The following SPECC1L variants were observed in gnomAD, a reference collection of about 807,000 sequenced individuals.
The protein encoded by SPECC1L is cytospin-A.
Under a neutral mutation model 116.8 loss-of-function variants are expected in SPECC1L, and 40 were observed. The ratio of observed to expected loss-of-function variants is 0.34; its 90% CI spans 0.27 to 0.45. The LOEUF (loss-of-function observed/expected upper bound fraction) is 0.45, where lower values mean the gene tolerates loss of function less well. SPECC1L is among the 20% of genes least tolerant of loss of function. SPECC1L has a pLI of 1.00. For missense variants in SPECC1L, 1,110 were observed against 1,373.6 expected, an observed-to-expected ratio of 0.81 and a Z score of 3.03; for synonymous variants, 504 against 500.6, an observed-to-expected ratio of 1.01 and a Z score of -0.09.
intron 16 of SPECC1L, 62 bp downstream of exon 16, chr22:24,412,769 C>A (rs1249946472): frequency 1.3e-6 from 2 of 1,565,762 alleles, no homozygotes; most frequent in Non-Finnish European, 1.8e-6. Flanking sequence ...AGAGTTCAGT[C>A]CTGTTTAAGC....
chr22:24,305,979 T>C (rs1352421776), intron 3 of SPECC1L, among the ~76,000 whole-genome samples: 3 of 151,912 alleles, frequency 2.0e-5, no homozygotes, highest in Non-Finnish European at 4.4e-5. Context: ...TGGAGTGCAA[T>C]GGCGCCATCT....
rs2049410884 is a variant in SPECC1L, at chr22:24,302,940, G to A, written c.153+556G>A. ...CTGGCAGCTGGTCCACGATGATGAT[G>A]ATGATGATGATTATACCATTTTTTA... On this transcript the variant is annotated intron_variant, in intron 3 of 16. Transcript: ENST00000314328. Among the ~76,000 whole-genome samples, 9 of 152,202 alleles carry A rather than the reference G, an allele frequency of 5.9e-5. No homozygotes were observed. In the South Asian group the frequency reaches 1.7e-3, roughly 28 times the overall value.
chr22:24,288,615 C>CTTTTTTTTTTTTTTTTTTTTTTTTT (rs756714389), intron 2 of SPECC1L, among the ~76,000 whole-genome samples: 1 of 61,678 alleles, frequency 1.6e-5, no homozygotes, highest in South Asian at 6.6e-4. Flanking sequence ...AAATTTTAAG[C>CTTTTTTTTTTTTTTTTTTTTTTTTT]TTTTTTTTTT....
At chr22:24,309,183 A>G (rs1469273189) in intron 3 of SPECC1L, among the ~76,000 whole-genome samples, 3 of 152,156 alleles carry the variant, frequency 2.0e-5, no homozygotes, top group East Asian at 3.8e-4. Flanking sequence ...CTGTATCTGT[A>G]TCTATTAAAA....
chr22:24,302,061 T>G, intron 2 of SPECC1L, 134 bp from the exon 3 acceptor site: 1 of 616,168 alleles, frequency 1.6e-6, no homozygotes, highest in Non-Finnish European at 2.8e-6. Context: ...AAAAAAAAAA[T>G]TTTTTTTCAA....
intron 13 of SPECC1L, among the ~76,000 whole-genome samples, chr22:24,368,177 A>G (rs760190782): frequency 2.0e-5 from 3 of 152,204 alleles, no homozygotes; most frequent in Non-Finnish European, 4.4e-5. Flanking sequence ...ATTTTTAAAA[A>G]ATGAATCATA....
intron 14 of SPECC1L, among the ~76,000 whole-genome samples, chr22:24,403,187 T>G (rs1440473062): frequency 6.6e-6 from 1 of 152,216 alleles, no homozygotes; most frequent in Non-Finnish European, 1.5e-5. Context: ...GGGCAGAGCT[T>G]CTCATTCGAG....
chr22:24,349,497 G>A (rs759362014), intron 11 of SPECC1L, among the ~76,000 whole-genome samples: 3 of 152,098 alleles, frequency 2.0e-5, no homozygotes, highest in East Asian at 3.9e-4. Flanking sequence ...TGCATCTCTC[G>A]CCTGTTCTTC....
chr22:24,391,200 G>A (rs1246292352), intron 14 of SPECC1L, among the ~76,000 whole-genome samples: 2 of 152,078 alleles, frequency 1.3e-5, no homozygotes, highest in South Asian at 2.1e-4. Flanking sequence ...ACTGCACACA[G>A]CAGAGGTTAA....
At chr22:24,302,458 A>G in intron 3 of SPECC1L, 74 bp downstream of exon 3, 2 of 1,581,834 alleles carry the variant, frequency 1.3e-6, no homozygotes, top group Non-Finnish European at 1.7e-6. Context: ...AATATATTAA[A>G]TGAGCATTCT....
intron 11 of SPECC1L, among the ~76,000 whole-genome samples, chr22:24,347,846 T>C (rs570569699): frequency 7.8e-4 from 118 of 152,242 alleles, no homozygotes; most frequent in Middle Eastern, 3.4e-3. Context: ...CAGATAATTT[T>C]TGTATTTTTA....
At chr22:24,339,727 G>A (rs1249870244) in intron 10 of SPECC1L, among the ~76,000 whole-genome samples, 6 of 152,064 alleles carry the variant, frequency 3.9e-5, no homozygotes, top group African/African-American at 1.2e-4. Context: ...TGCTCCCTCC[G>A]CATTTATATT....
At chr22:24,342,130 G>A (rs1423949476) in intron 10 of SPECC1L, among the ~76,000 whole-genome samples, 1 of 152,164 alleles carries the variant, frequency 6.6e-6, no homozygotes, top group Non-Finnish European at 1.5e-5. Flanking sequence ...ATTTGCCAAA[G>A]TAATAATTTT....
At chr22:24,294,440 G>A (rs921401246) in intron 2 of SPECC1L, among the ~76,000 whole-genome samples, 2 of 149,926 alleles carry the variant, frequency 1.3e-5, no homozygotes, top group Non-Finnish European at 2.9e-5. Context: ...GGAGTGCAGC[G>A]GCACGATATC....
intron 14 of SPECC1L, among the ~76,000 whole-genome samples, chr22:24,407,519 C>T (rs1056857049): frequency 1.3e-5 from 2 of 152,172 alleles, no homozygotes; most frequent in African/African-American, 4.8e-5. Context: ...GAGCTGCCTG[C>T]GTTTCAGGGA....
intron 2 of SPECC1L, among the ~76,000 whole-genome samples, chr22:24,298,179 G>T (rs1297814987): frequency 6.6e-6 from 1 of 152,078 alleles, no homozygotes; most frequent in Non-Finnish European, 1.5e-5. Flanking sequence ...CATGTTAGAT[G>T]ATTTTTGTCC....
At chr22:24,361,822 CA>C (rs897951876) in intron 11 of SPECC1L, among the ~76,000 whole-genome samples, 2 of 137,298 alleles carry the variant, frequency 1.5e-5, no homozygotes, top group Non-Finnish European at 3.2e-5. Context: ...TCCAAAAAAA[CA>C]AAAAACGAGA....
intron 14 of SPECC1L, among the ~76,000 whole-genome samples, chr22:24,391,950 A>C (rs746506122): frequency 6.6e-5 from 10 of 152,250 alleles, no homozygotes; most frequent in Non-Finnish European, 1.5e-4. Flanking sequence ...ATTTCCTTAG[A>C]TAAAATGTGA....
chr22:24,343,637 T>C, intron 10 of SPECC1L: 1 of 263,200 alleles, frequency 3.8e-6, no homozygotes, highest in Non-Finnish European at 7.8e-6. Context: ...ATTTTTGTAT[T>C]TTTAGTAGAG....
Sources: gnomAD v4.1 joint callset for allele counts (sites outside exome capture counted in the v4.1 genomes callset) on GRCh38, gnomAD v4.1.1 for gene constraint, MANE v1.5 for transcripts, NCBI Gene and HGNC (gene_info 2026-07-23, HGNC 2026-07-21) for gene names.